Variants in MYO15B observed in about 807,000 individuals in gnomAD.
MYO15B encodes the protein myosin XVB pseudogene.
MYO15B carries 207 observed loss-of-function variants against 119.3 expected under a neutral mutation model. The ratio of observed to expected loss-of-function variants is 1.73; its 90% CI spans 1.55 to 1.95. MYO15B has a LOEUF of 1.95. MYO15B is among the 30% of genes most tolerant of loss of function. The pLI, the probability that MYO15B is intolerant of heterozygous loss-of-function variation, is 0.00. For synonymous variants in MYO15B, 966 were observed against 498.9 expected, an observed-to-expected ratio of 1.94 and a Z score of -12.48; for missense variants, 2,264 against 1,203.1, an observed-to-expected ratio of 1.88 and a Z score of -13.04.
intron 30 of MYO15B, 25 bp from the exon 31 acceptor site, chr17:75,614,558 C>T (rs2058244152): frequency 1.4e-6 from 1 of 699,950 alleles, no homozygotes; most frequent in African/African-American, 1.7e-5. Flanking sequence ...TGGCCACCCC[C>T]TTAGCTGGAT....
chr17:75,608,934 A>G (rs549169986), intron 21 of MYO15B, among the ~76,000 whole-genome samples: 4 of 152,188 alleles, frequency 2.6e-5, no homozygotes, highest in African/African-American at 4.8e-5. Flanking sequence ...GAGTTTCACT[A>G]TGTTGGCCAG....
At position 75,619,746 on chromosome 17, in the gene MYO15B, G is replaced by A. The variant is rs1296931121; in HGVS notation, c.7248G>A (p.Val2416=). 1.3e-5 allele frequency: 9 copies of A among 702,798 alleles called. No individual in the cohort carries two copies. In the East Asian group the frequency reaches 2.1e-4, roughly 17 times the overall value. The allele number at this position is 702,798 out of a possible 1,614,324, so 43.5% of individuals were successfully genotyped here. A position where few individuals can be genotyped will look rare whatever the true frequency, so the allele number is the denominator to read the frequency against. ...ACCGTGGGCTGCGACTGCTCAAGGT[G>A]ACCCAAGGCCCCGGCCTCCGCCCCG... Residue 2416 remains valine (V), a synonymous_variant, in exon 46 of 64, where the codon GTG becomes GTA. Coordinates refer to ENST00000645453, the Ensembl canonical transcript of MYO15B.
chr17:75,611,491 C>A, intron 23 of MYO15B, 110 bp from the exon 24 acceptor site: 1 of 603,140 alleles, frequency 1.7e-6, no homozygotes, highest in South Asian at 1.8e-5. Flanking sequence ...AAAAAAAAAT[C>A]CGTGGTCTTT....
At chr17:75,619,988 C>A in exon 47 of MYO15B, 1 of 702,684 alleles carries the variant, frequency 1.4e-6, no homozygotes, top group East Asian at 2.7e-5. Context: ...CATCGAGGCG[C>A]TGGTTGAGCT....
chr17:75,603,461 C>CCTCTCTCTCT, intron 19 of MYO15B, 149 bp downstream of exon 19: 1 of 582,198 alleles, frequency 1.7e-6, no homozygotes, highest in South Asian at 2.1e-5. Context: ...GTCCTCTCAT[C>CCTCTCTCTCT]CTCTCTCTCT....
rs909468851 is a variant in MYO15B at position 75,589,236 on chromosome 17, C to T, written c.1179C>T (p.Gly393=). Residue 393 remains glycine, a synonymous_variant, in exon 1 of 64, where the codon GGC becomes GGT. Transcript: ENST00000645453. This position sits in a 1 kb window ranked among gnomAD's most constrained non-coding sequence, Gnocchi z 4.2. ...GGCTGCGGCGGCGGCCGCCAGAGGGCGAGGGGCAGGGTACCGGGCCACGGG... is the reference window on the plus strand; with the variant it reads ...GGCTGCGGCGGCGGCCGCCAGAGGGTGAGGGGCAGGGTACCGGGCCACGGG... 13 of 400,222 alleles carry T rather than the reference C, an allele frequency of 3.2e-5. No individual in the cohort carries two copies. Among genetic ancestry groups the T allele is most frequent in the Admixed American group, 2.2e-4 (5 of 22,636 alleles). 24.8% of individuals were successfully genotyped at this position (400,222 alleles called of 1,614,324 possible).
intron 51 of MYO15B, 39 bp downstream of exon 51, chr17:75,621,447 G>T (rs1359499257): frequency 1.4e-6 from 1 of 698,654 alleles, no homozygotes; most frequent in Non-Finnish European, 2.6e-6. Context: ...CCGTAGATCT[G>T]CCCTCTGACC....
chr17:75,603,438 CCT>C (rs1440947774), intron 19 of MYO15B, 126 bp downstream of exon 19: 4 of 613,738 alleles, frequency 6.5e-6, no homozygotes, highest in African/African-American at 1.8e-5. Flanking sequence ...CCCAACCCTC[CCT>C]CTCTCTCCTC....
In MYO15B at chr17:75,610,337, C is replaced by T. The variant is rs532187582; in HGVS notation, c.4386+78C>T. On this transcript the variant is annotated intron_variant, in intron 22 of 63. Coordinates refer to ENST00000645453, the Ensembl canonical transcript of MYO15B. ...GGCCGAGCTGGCCAAATCCCAGCAG[C>T]GTTGACCCTCTCAGCCCGGCCTCGC... The T allele has an allele frequency of 9.2e-4, 565 of 617,098 alleles. 4 individuals are homozygous for T. The highest frequency in any genetic ancestry group is 8.6e-3 in the African/African-American group (465 of 53,856). 38.2% of individuals were successfully genotyped at this position (617,098 alleles called of 1,614,324 possible). A position where few individuals can be genotyped will look rare whatever the true frequency, so the allele number is the denominator to read the frequency against.
Position 75,618,574 on chromosome 17 carries a change from G to A in MYO15B, c.6987+389G>A, listed in dbSNP as rs550267802. ...TGAGGCAGGAGAATTGCTTGAACCC[G>A]GGAGGCAGAGGTTGTAGTGAGCCGA... On this transcript the variant is annotated intron_variant, in intron 43 of 63. Transcript: ENST00000645453. Among the ~76,000 whole-genome samples, 6 of 152,308 alleles carry A rather than the reference G, an allele frequency of 3.9e-5. No individual in the cohort carries two copies. The South Asian group carries it at 6.2e-4, about 16-fold the overall frequency.
chr17:75,610,845 G>A (rs1203260675), intron 22 of MYO15B, 55 bp from the exon 23 acceptor site: 5 of 702,424 alleles, frequency 7.1e-6, no homozygotes, highest in Non-Finnish European at 1.3e-5. Context: ...CTGGGGAGGT[G>A]CCCCCAGGTG....
At chr17:75,624,848 C>T (rs954473466) in exon 59 of MYO15B, 40 of 703,024 alleles carry the variant, frequency 5.7e-5, no homozygotes, top group Non-Finnish European at 7.5e-5. Flanking sequence ...CCTGCACAGC[C>T]GGCGGCTCCA....
exon 1 of MYO15B, chr17:75,588,172 C>G (rs1308131561): frequency 2.5e-6 from 1 of 397,894 alleles, no homozygotes; most frequent in East Asian, 3.6e-5. Context: ...CCGGGAACGC[C>G]GTTCCGACCG....
intron 50 of MYO15B, 80 bp from the exon 51 acceptor site, chr17:75,621,265 T>C (rs972013686): frequency 1.2e-5 from 8 of 662,526 alleles, no homozygotes; most frequent in African/African-American, 8.8e-5. Context: ...GCTGTGCTCT[T>C]AGCACTCTCC....
chr17:75,593,551 A>G (rs1298712017), intron 9 of MYO15B, among the ~76,000 whole-genome samples: 1 of 151,440 alleles, frequency 6.6e-6, no homozygotes, highest in African/African-American at 2.4e-5. Context: ...TGGAGGTGGC[A>G]GTGACCTGAG....
At chr17:75,609,271 A>G (rs1019898267) in intron 21 of MYO15B, among the ~76,000 whole-genome samples, 1 of 150,866 alleles carries the variant, frequency 6.6e-6, no homozygotes, top group South Asian at 2.1e-4. Flanking sequence ...GCAGTGACCC[A>G]GTCATAGCTC....
chr17:75,593,631 C>A (rs866456376), intron 9 of MYO15B, among the ~76,000 whole-genome samples: 96 of 142,290 alleles, frequency 6.7e-4, no homozygotes, highest in African/African-American at 1.5e-3. Flanking sequence ...AAAAAAAAAA[C>A]AAAACAGACT....
intron 53 of MYO15B, 88 bp from the exon 54 acceptor site, chr17:75,623,693 C>CCATG: frequency 1.5e-6 from 1 of 682,884 alleles, no homozygotes; most frequent in Non-Finnish European, 2.7e-6. Context: ...CAGCCCCAGC[C>CCATG]CATGGCCTAG....
At chr17:75,616,380 C>CAGGAGGAGG (rs368250560) in exon 38 of MYO15B, 94 of 610,122 alleles carry the variant, frequency 1.5e-4, no homozygotes, top group Admixed American at 8.6e-4. Context: ...GGGGGAAGCG[C>CAGGAGGAGG]AGGAGGAGGA....
Sources: gnomAD v4.1 joint callset for allele counts (sites outside exome capture counted in the v4.1 genomes callset) on GRCh38, gnomAD v4.1.1 for gene constraint, Gnocchi (gnomAD v3.1) non-coding constraint, MANE v1.5 for transcripts, NCBI Gene and HGNC (gene_info 2026-07-23, HGNC 2026-07-21) for gene names.